ZZEF1: variants seen among roughly 807,000 people sequenced by gnomAD.
ZZEF1 encodes the protein zinc finger ZZ-type and EF-hand domain-containing protein 1.
Under a neutral mutation model 342.8 loss-of-function variants are expected in ZZEF1, and 157 were observed. The observed-to-expected ratio is 0.46, with a 90% CI of 0.40 to 0.52. The LOEUF is 0.52. Ranked by LOEUF, ZZEF1 falls within the 20% of genes least tolerant of loss-of-function variation. The pLI is 0.00. For synonymous variants in ZZEF1, 1,505 were observed against 1,429.1 expected (o/e 1.05, Z -1.20); for missense variants, 3,480 against 3,725.6 (o/e 0.93, Z 1.72).
Position 4,078,020 on chromosome 17 carries a change from C to T in ZZEF1, c.2852G>A (p.Gly951Glu). ...ARECELLMLS[G>E]APGEVGSVLF... ...CACAGAGCCCACCTCCCCTGGGGCC[C>T]CACTGAGCATTAACAGCTCGCACTA... Residue 951 changes from glycine (G) to glutamate (E), a missense_variant, in exon 19 of 55, where the codon GGG becomes GAG. By Grantham distance (98) the Gly-to-Glu change is moderately conservative. Coordinates refer to ENST00000381638, the MANE Select transcript of ZZEF1 (RefSeq NM_015113.4). 1 of 1,613,908 alleles carries T rather than the reference C, an allele frequency of 6.2e-7. No homozygotes were observed. Among genetic ancestry groups the T allele is most frequent in the South Asian group, 1.1e-5 (1 of 91,064 alleles).
At chr17:4,107,626 G>C (rs1298593248) in intron 6 of ZZEF1, among the ~76,000 whole-genome samples, 2 of 152,228 alleles carry the variant, frequency 1.3e-5, no homozygotes, top group Non-Finnish European at 2.9e-5. Flanking sequence ...ATGGGATAGG[G>C]AGGGTGTCCA....
chr17:4,007,002 C>T (rs571585601), intron 54 of ZZEF1, 32 bp from the exon 55 acceptor site: 7 of 1,544,924 alleles, frequency 4.5e-6, no homozygotes, highest in South Asian at 2.4e-5. Flanking sequence ...TCGCCAATGT[C>T]GGGAGCCACT....
intron 17 of ZZEF1, 58 bp downstream of exon 17, chr17:4,082,376 CAAG>C: frequency 1.3e-6 from 2 of 1,563,680 alleles, no homozygotes. Flanking sequence ...AGGGCAAGCT[CAAG>C]AAAACAACTT....
At position 4,105,747 on chromosome 17, in the gene ZZEF1, A is replaced by G. The variant is rs747030739; in HGVS notation, c.1340T>C (p.Phe447Ser). The G allele has an allele frequency of 6.2e-7, 1 of 1,613,416 alleles. No homozygotes were observed. Among genetic ancestry groups the G allele is most frequent in the South Asian group, 1.1e-5 (1 of 90,914 alleles). ...TTCTTCCAGCACATTAGGGGAGAGG[A>G]AAGTTGAGAAATCTGTAGATCCTGG... Reference protein sequence around the residue: ...LSPGSTDFSTFLSPNVLEEVD... With the variant: ...LSPGSTDFSTSLSPNVLEEVD... The change falls in exon 7 of 55, where the codon TTC (phenylalanine) becomes TCC (serine). Residue 447 changes from phenylalanine (F) to serine (S), a missense_variant. Coordinates refer to ENST00000381638, the MANE Select transcript of ZZEF1 (RefSeq NM_015113.4).
In ZZEF1 at chr17:4,102,454, T is replaced by C. The variant is rs1417346838; in HGVS notation, c.1574-39A>G. On this transcript the variant is annotated intron_variant, in intron 8 of 54. Transcript: ENST00000381638. ...AGGAAGACCAAGCTGTAAGCTAAAATATGAAGAACTGGAAACTAGCATGCC... is the reference window on the plus strand; with the variant it reads ...AGGAAGACCAAGCTGTAAGCTAAAACATGAAGAACTGGAAACTAGCATGCC... 2.5e-6 allele frequency: 4 copies of C among 1,574,038 alleles called. No individual in the cohort carries two copies. In the East Asian group the frequency reaches 6.7e-5, roughly 26 times the overall value.
chr17:4,117,585 T>G (rs902598645), intron 2 of ZZEF1, among the ~76,000 whole-genome samples: 1 of 138,820 alleles, frequency 7.2e-6, no homozygotes, highest in East Asian at 2.1e-4. Flanking sequence ...GGGGCGGAGG[T>G]TGCAGTGAGC....
At chr17:4,048,924 T>C (rs1207977901) in intron 37 of ZZEF1, among the ~76,000 whole-genome samples, 2 of 150,308 alleles carry the variant, frequency 1.3e-5, no homozygotes, top group African/African-American at 2.4e-5. Flanking sequence ...TTCACCCTGT[T>C]GGCCAGGCTG....
At position 4,058,121 on chromosome 17, in the gene ZZEF1, C is replaced by T; in HGVS notation, c.5038G>A (p.Ala1680Thr). The T allele has an allele frequency of 1.2e-6, 2 of 1,613,950 alleles. No homozygotes were observed. The highest frequency in any genetic ancestry group is 1.7e-6 in the Non-Finnish European group (2 of 1,179,888). ...CCCATATCCAAAAGATGAAGCAGGG[C>T]TGTCTGAACACAGGATAAGGCAGGG... ...LLPALSCVQT[A>T]LLHLLDMGWE... The change falls in exon 32 of 55, where the codon GCC becomes ACC. Residue 1680 changes from alanine (A) to threonine (T), a missense_variant. Ala to Thr is a moderately conservative substitution (Grantham distance 58). Coordinates refer to ENST00000381638, the MANE Select transcript of ZZEF1 (RefSeq NM_015113.4).
chr17:4,112,081 T>C (rs150786442), intron 5 of ZZEF1, among the ~76,000 whole-genome samples: 1 of 52,986 alleles, frequency 1.9e-5, no homozygotes, highest in South Asian at 5.1e-4. Context: ...TATATATATA[T>C]ATATATATAT....
Position 4,064,454 on chromosome 17 carries a change from T to C in ZZEF1, c.4625A>G (p.Glu1542Gly). The change falls in exon 29 of 55, where the codon GAG becomes GGG. Residue 1542 changes from glutamate (E) to glycine (G), a missense_variant. Physicochemically the swap from Glu to Gly is moderately conservative, Grantham distance 98 (BLOSUM62 -2). Around this residue, in one of 5 missense-constraint regions of ZZEF1, gnomAD observed 1,528 missense variants for 1,624.1 expected, o/e 0.94. Coordinates refer to ENST00000381638, the MANE Select transcript of ZZEF1 (RefSeq NM_015113.4). The part of the protein sequence containing the change: ...RLRLLSFRSM[E>G]EARLVPTVKE... The stretch of plus-strand genomic sequence containing the variant: ...CACTGTGGGCACCAGTCTGGCCTCC[T>C]CCATGGATCGAAAGGAGAGCAGCCG... 1 of 1,614,146 alleles carries C rather than the reference T, an allele frequency of 6.2e-7. No individual in the cohort carries two copies.
In ZZEF1 at chr17:4,005,050, TG is replaced by T. The variant is rs1358936802; in HGVS notation, c.*1839del. ...CCTACCGCCCGCTTTACTCGGAGTC[TG>T]GGGTGTGGAGGGGCGTGGGTGGCGC... On this transcript the variant is annotated 3_prime_UTR_variant, in exon 55 of 55. Coordinates refer to ENST00000381638, the MANE Select transcript of ZZEF1 (RefSeq NM_015113.4). 6.6e-6 allele frequency: 1 copy of T among 152,384 alleles called. No individual in the cohort carries two copies. Among genetic ancestry groups the T allele is most frequent in the Non-Finnish European group, 1.5e-5 (1 of 68,150 alleles). 9.4% of individuals were successfully genotyped at this position (152,384 alleles called of 1,614,324 possible).
chr17:4,041,817 G>A, intron 39 of ZZEF1, among the ~76,000 whole-genome samples: 1 of 152,030 alleles, frequency 6.6e-6, no homozygotes, highest in East Asian at 1.9e-4. Flanking sequence ...AAAGGCAAGG[G>A]AAGCAGATTA....
rs151295029 is a variant in ZZEF1 at position 4,139,537 on chromosome 17, C to T, written c.354+3005G>A. On this transcript the variant is annotated intron_variant, in intron 1 of 54. Coordinates refer to ENST00000381638, the MANE Select transcript of ZZEF1 (RefSeq NM_015113.4). Reference sequence around the variant, plus strand: ...AAAGCTTAGACGTAGATTAACAACGCAGAATTAACTGTGTAAGTATGCACA... The same window carrying T: ...AAAGCTTAGACGTAGATTAACAACGTAGAATTAACTGTGTAAGTATGCACA... 3.1e-3 allele frequency among the ~76,000 whole-genome samples: 476 copies of T among 152,296 alleles called. 2 individuals carry two copies. Among genetic ancestry groups the T allele is most frequent in the African/African-American group, 0.011 (437 of 41,542 alleles).
intron 11 of ZZEF1, among the ~76,000 whole-genome samples, chr17:4,093,104 G>T (rs146120552): frequency 3.3e-5 from 5 of 152,122 alleles, no homozygotes; most frequent in African/African-American, 1.2e-4. Context: ...ATCATTAAGG[G>T]AGTGGTGAAT....
At chr17:4,029,811 T>C (rs974662420) in intron 42 of ZZEF1, among the ~76,000 whole-genome samples, 1 of 147,974 alleles carries the variant, frequency 6.8e-6, no homozygotes, top group African/African-American at 2.5e-5. Context: ...GAGGTGGAGG[T>C]TGCATTGAGC....
At chr17:4,111,916 A>C (rs1050673977) in intron 5 of ZZEF1, among the ~76,000 whole-genome samples, 3 of 145,088 alleles carry the variant, frequency 2.1e-5, no homozygotes, top group Non-Finnish European at 4.5e-5. Context: ...GCATGTCTAC[A>C]TTCCAGCTAC....
chr17:4,017,213 G>A lies in ZZEF1; in HGVS notation c.8001+158C>T. On this transcript the variant is annotated intron_variant, in intron 48 of 54. Transcript: ENST00000381638. This position sits in a 1 kb window ranked among gnomAD's most constrained non-coding sequence, Gnocchi z 5.1. ...GAGTTCCTCACTAGCCCAATCCTTG[G>A]GAGAGGATACAGTGACCCTACCTTT... 2 of 1,048,492 alleles carry A rather than the reference G, an allele frequency of 1.9e-6. No homozygotes were observed. The highest frequency in any genetic ancestry group is 2.7e-6 in the Non-Finnish European group (2 of 746,134). 64.9% of individuals were successfully genotyped at this position (1,048,492 alleles called of 1,614,324 possible).
intron 39 of ZZEF1, among the ~76,000 whole-genome samples, chr17:4,039,468 TCAAACAAACAAA>T (rs113389421): frequency 1.3e-5 from 2 of 150,048 alleles, no homozygotes; most frequent in African/African-American, 5.0e-5. Context: ...AGACACCATC[TCAAACAAACAAA>T]CAAACAAACA....
At position 4,142,682 on chromosome 17, in the gene ZZEF1, G is replaced by A; in HGVS notation, c.214C>T (p.Leu72=). ...ALLPTPPCES[L]VSRHRGALFR... ...AACGCGCCGCGATGCCTCGACACCA[G>A]CGACTCGCAGGGGGGTGTGGGCAGC... is the stretch of plus-strand genomic sequence containing the variant. The change falls in exon 1 of 55, where the codon CTG becomes TTG. Residue 72 remains leucine, a synonymous_variant. Transcript: ENST00000381638. The A allele has an allele frequency of 6.2e-7, 1 of 1,606,684 alleles. No individual in the cohort carries two copies. Among genetic ancestry groups the A allele is most frequent in the Non-Finnish European group, 8.5e-7 (1 of 1,179,432 alleles).
Sources: gnomAD v4.1 joint callset for allele counts (sites outside exome capture counted in the v4.1 genomes callset) on GRCh38, gnomAD v4.1.1 for gene constraint, gnomAD v4.1.1 regional missense constraint, Gnocchi (gnomAD v3.1) non-coding constraint, MANE v1.5 for transcripts, NCBI Gene and HGNC (gene_info 2026-07-23, HGNC 2026-07-21) for gene names.